RANBP2: variants seen among roughly 807,000 people sequenced by gnomAD.
The protein encoded by RANBP2 is E3 SUMO-protein ligase RanBP2.
Under a neutral mutation model 303.6 loss-of-function variants are expected in RANBP2, and 57 were observed. The observed-to-expected ratio is 0.19, with a 90% CI of 0.15 to 0.23. RANBP2 has a LOEUF of 0.23. RANBP2 is among the 10% of genes least tolerant of loss of function. The pLI is 1.00. For missense variants in RANBP2, 3,138 were observed against 3,780.8 expected (o/e 0.83, Z 4.46); for synonymous variants, 1,167 against 1,301.5 (o/e 0.90, Z 2.23).
the RANBP2 span, among the ~76,000 whole-genome samples, chr2:109,351,128 G>A: frequency 2.0e-5 from 3 of 152,216 alleles, no homozygotes; most frequent in South Asian, 2.1e-4. Context: ...TTAGTAGCCC[G>A]ACTCCAGAAA....
the RANBP2 span, among the ~76,000 whole-genome samples, chr2:109,429,521 G>A: frequency 1.3e-5 from 2 of 152,248 alleles, no homozygotes; most frequent in South Asian, 2.1e-4. Context: ...ATCTCCCTAC[G>A]CGTTGGCCAC....
chr2:109,028,195 CA>C, the RANBP2 span, among the ~76,000 whole-genome samples: 1 of 152,312 alleles, frequency 6.6e-6, no homozygotes, highest in Non-Finnish European at 1.5e-5. Context: ...CACCTGAACC[CA>C]GGACGTTGAG....
the RANBP2 span, among the ~76,000 whole-genome samples, chr2:109,443,604 G>A: frequency 6.6e-6 from 1 of 152,080 alleles, no homozygotes; most frequent in Non-Finnish European, 1.5e-5. Context: ...AAGCTGGAGT[G>A]GTTATCTTAA....
the RANBP2 span, among the ~76,000 whole-genome samples, chr2:109,023,894 G>T: frequency 6.6e-6 from 1 of 151,992 alleles, no homozygotes; most frequent in Non-Finnish European, 1.5e-5. Flanking sequence ...TAATGTACCT[G>T]CATTTTGTGA....
the RANBP2 span, among the ~76,000 whole-genome samples, chr2:109,736,884 T>C: frequency 1.8e-4 from 28 of 152,186 alleles, no homozygotes; most frequent in African/African-American, 5.8e-4. Flanking sequence ...CTCAAGTGCC[T>C]GCCCAATGGC....
chr2:109,360,109 C>T, the RANBP2 span, among the ~76,000 whole-genome samples: 1 of 151,150 alleles, frequency 6.6e-6, no homozygotes, highest in African/African-American at 2.4e-5. Context: ...AATCAAAGCA[C>T]AGCATCATAG....
chr2:109,002,644 C>A, the RANBP2 span, among the ~76,000 whole-genome samples: 1 of 152,194 alleles, frequency 6.6e-6, no homozygotes, highest in Admixed American at 6.5e-5. Flanking sequence ...CCCCGGCCAC[C>A]CTCCAGCAGG....
the RANBP2 span, among the ~76,000 whole-genome samples, chr2:109,196,786 G>A: frequency 6.6e-6 from 1 of 152,200 alleles, no homozygotes; most frequent in African/African-American, 2.4e-5. Context: ...ATGAGATCAG[G>A]CGCCAATAGC....
chr2:109,562,880 T>C, the RANBP2 span, among the ~76,000 whole-genome samples: 1 of 152,098 alleles, frequency 6.6e-6, no homozygotes, highest in Admixed American at 6.5e-5. Context: ...TATGCCTGAA[T>C]TTGGTGAGGG....
At chr2:109,000,559 T>C in the RANBP2 span, among the ~76,000 whole-genome samples, 2 of 151,638 alleles carry the variant, frequency 1.3e-5, no homozygotes, top group South Asian at 2.1e-4. Context: ...AAACCCAAAA[T>C]AAACAAAACA....
chr2:109,271,175 A>G, the RANBP2 span, among the ~76,000 whole-genome samples: 1 of 152,182 alleles, frequency 6.6e-6, no homozygotes, highest in Non-Finnish European at 1.5e-5. Flanking sequence ...TTCCTGGAGT[A>G]TTTGCTAATG....
the RANBP2 span, among the ~76,000 whole-genome samples, chr2:108,932,110 C>T: frequency 2.0e-5 from 3 of 152,180 alleles, no homozygotes; most frequent in Admixed American, 6.5e-5. Flanking sequence ...AACACCGTGA[C>T]GAACATATGC....
the RANBP2 span, among the ~76,000 whole-genome samples, chr2:109,444,369 T>A: frequency 7.2e-5 from 11 of 152,238 alleles, no homozygotes; most frequent in African/African-American, 2.7e-4. Context: ...AATAGCCAAG[T>A]GCTGAAGCAC....
chr2:109,475,134 C>T, the RANBP2 span, among the ~76,000 whole-genome samples: 86 of 152,248 alleles, frequency 5.6e-4, no homozygotes, highest in African/African-American at 1.8e-3. Flanking sequence ...CGCACCACCA[C>T]GCCCAGCTAA....
At chr2:109,277,321 T>C in the RANBP2 span, among the ~76,000 whole-genome samples, 5 of 152,320 alleles carry the variant, frequency 3.3e-5, no homozygotes, top group South Asian at 8.3e-4. Flanking sequence ...GATGGTTTGA[T>C]TGGATTTTGA....
At chr2:109,037,673 A>G in the RANBP2 span, among the ~76,000 whole-genome samples, 116 of 152,340 alleles carry the variant, frequency 7.6e-4, 2 homozygotes, top group Non-Finnish European at 4.1e-4. Flanking sequence ...TGAACATTTC[A>G]AAACTAGCAT....
chr2:109,674,369 T>C, the RANBP2 span, among the ~76,000 whole-genome samples: 4 of 137,478 alleles, frequency 2.9e-5, no homozygotes, highest in Non-Finnish European at 6.1e-5. Flanking sequence ...AGCTCAGTAG[T>C]TCATGACCGG....
the RANBP2 span, among the ~76,000 whole-genome samples, chr2:109,727,099 C>T: frequency 2.0e-5 from 3 of 152,220 alleles, no homozygotes; most frequent in Non-Finnish European, 4.4e-5. Flanking sequence ...ATCACCTTCA[C>T]GGTTTCTGCT....
the RANBP2 span, among the ~76,000 whole-genome samples, chr2:108,894,177 CAGTT>C: frequency 6.6e-6 from 1 of 152,140 alleles, no homozygotes; most frequent in African/African-American, 2.4e-5. Flanking sequence ...TAAGACAAGA[CAGTT>C]TGTTACACAG....
Sources: allele counts gnomAD v4.1 joint callset (sites outside exome capture counted in the v4.1 genomes callset), GRCh38; gene constraint gnomAD v4.1.1; transcripts MANE v1.5; gene names NCBI Gene and HGNC (gene_info 2026-07-23, HGNC 2026-07-21).